CPNE4: variants seen among roughly 807,000 people sequenced by gnomAD.
CPNE4 encodes copine 4, also known as copine-4.
A neutral mutation model predicts 67.9 loss-of-function variants in CPNE4; 25 were observed. The ratio of observed to expected loss-of-function variants is 0.37; its 90% CI spans 0.27 to 0.51. The LOEUF is 0.51. Ranked by LOEUF, CPNE4 falls within the 20% of genes least tolerant of loss-of-function variation. The pLI is 0.93. For synonymous variants in CPNE4, 242 were observed against 244.9 expected (o/e 0.99, Z 0.11); for missense variants, 464 against 690.8 (o/e 0.67, Z 3.68).
chr3:131,922,123 A>G (rs969028680), intron 1 of CPNE4, among the ~76,000 whole-genome samples: 1 of 152,178 alleles, frequency 6.6e-6, no homozygotes, highest in East Asian at 1.9e-4. Context: ...ATCTTTACGT[A>G]CATGAGTACC....
intron 12 of CPNE4, 146 bp from the exon 13 acceptor site, chr3:131,552,637 A>G (rs1936245775): frequency 1.6e-6 from 1 of 610,148 alleles, no homozygotes; most frequent in Non-Finnish European, 2.9e-6. Context: ...TCAAGCCTTT[A>G]CACAATCAAT....
At chr3:132,005,272 T>C (rs1047774007) in intron 1 of CPNE4, among the ~76,000 whole-genome samples, 6 of 142,870 alleles carry the variant, frequency 4.2e-5, no homozygotes, top group Non-Finnish European at 6.1e-5. Context: ...CCTATCCTAA[T>C]AGTCACCAAA....
rs1342592405 is a variant in CPNE4 at position 131,777,380 on chromosome 3, T to G, written c.181-53755A>C. 4.8e-4 allele frequency among the ~76,000 whole-genome samples: 24 copies of G among 50,420 alleles called. No individual in the cohort carries two copies. In the East Asian group the frequency reaches 6.0e-3, roughly 13 times the overall value. 33.1% of individuals were successfully genotyped at this position (50,420 alleles called of 152,430 possible). A position where few individuals can be genotyped will look rare whatever the true frequency, so the allele number is the denominator to read the frequency against. On this transcript the variant is annotated intron_variant, in intron 2 of 15. Transcript: ENST00000429747. The stretch of plus-strand genomic sequence containing the variant: ...ATCAGAGAAAATAGCATTTCAAGGT[T>G]TTTTTTTTTTTTTTAGTTTCAAGAA...
intron 1 of CPNE4, among the ~76,000 whole-genome samples, chr3:132,013,085 T>C (rs763371248): frequency 6.6e-6 from 1 of 152,042 alleles, no homozygotes; most frequent in Admixed American, 6.5e-5. Flanking sequence ...TAGCCAGGCA[T>C]AGGGGTGGAC....
At chr3:131,942,272 T>G (rs2071410594) in intron 1 of CPNE4, among the ~76,000 whole-genome samples, 1 of 152,012 alleles carries the variant, frequency 6.6e-6, no homozygotes. Context: ...TTTAAAAAAT[T>G]TAAAAGCATA....
At chr3:131,903,444 T>TTA in intron 2 of CPNE4, among the ~76,000 whole-genome samples, 1 of 152,134 alleles carries the variant, frequency 6.6e-6, no homozygotes, top group African/African-American at 2.4e-5. Context: ...AAATCAGTCC[T>TTA]TATCCAATTT....
chr3:131,930,550 A>C (rs1288299978), intron 1 of CPNE4, among the ~76,000 whole-genome samples: 2 of 152,218 alleles, frequency 1.3e-5, no homozygotes, highest in African/African-American at 4.8e-5. Flanking sequence ...CTAATTGCAC[A>C]ACTGTCCTTG....
intron 3 of CPNE4, among the ~76,000 whole-genome samples, chr3:131,704,575 C>T (rs2107710982): frequency 6.6e-6 from 1 of 152,258 alleles, no homozygotes; most frequent in African/African-American, 2.4e-5. Flanking sequence ...TTTCCTTCAC[C>T]TCACAAATAA....
chr3:131,914,406 C>T (rs138062746), intron 1 of CPNE4, among the ~76,000 whole-genome samples: 3 of 152,142 alleles, frequency 2.0e-5, no homozygotes, highest in South Asian at 4.1e-4. Context: ...GTCCCTCCCC[C>T]TCTCTGTCTC....
chr3:131,724,156 T>C (rs751493438), intron 2 of CPNE4, among the ~76,000 whole-genome samples: 13 of 152,178 alleles, frequency 8.5e-5, no homozygotes, highest in Non-Finnish European at 1.6e-4. Flanking sequence ...TGTAGGTGTC[T>C]CATTTTAGCC....
intron 6 of CPNE4, among the ~76,000 whole-genome samples, chr3:131,675,779 G>A (rs539359101): frequency 1.3e-5 from 2 of 151,840 alleles, no homozygotes; most frequent in East Asian, 3.9e-4. Context: ...TTTTATTGGA[G>A]TGTTTAGTCC....
At chr3:131,829,324 T>C (rs1229897623) in intron 2 of CPNE4, among the ~76,000 whole-genome samples, 2 of 152,222 alleles carry the variant, frequency 1.3e-5, no homozygotes, top group African/African-American at 4.8e-5. Flanking sequence ...AGAAATGGTG[T>C]ATTTTTTGAG....
At chr3:131,619,014 C>T (rs1391320394) in intron 7 of CPNE4, among the ~76,000 whole-genome samples, 1 of 152,112 alleles carries the variant, frequency 6.6e-6, no homozygotes, top group African/African-American at 2.4e-5. Context: ...TGTGGACAAA[C>T]TTGTAAAGTT....
chr3:131,969,747 C>T (rs547096123), intron 1 of CPNE4, among the ~76,000 whole-genome samples: 1 of 152,312 alleles, frequency 6.6e-6, no homozygotes, highest in East Asian at 1.9e-4. Flanking sequence ...ACTGTCCTCT[C>T]TAGTTCCTAA....
intron 1 of CPNE4, among the ~76,000 whole-genome samples, chr3:132,029,194 C>A (rs1259454878): frequency 6.6e-6 from 1 of 152,076 alleles, no homozygotes; most frequent in Non-Finnish European, 1.5e-5. Flanking sequence ...AAACAAAGGG[C>A]GATCAGACCC....
intron 2 of CPNE4, among the ~76,000 whole-genome samples, chr3:131,829,213 T>C (rs988701195): frequency 6.6e-6 from 1 of 152,202 alleles, no homozygotes; most frequent in African/African-American, 2.4e-5. Flanking sequence ...CCATGACATG[T>C]GGGAATACTG....
chr3:131,720,532 C>A (rs918962246), intron 3 of CPNE4, among the ~76,000 whole-genome samples: 2 of 152,172 alleles, frequency 1.3e-5, no homozygotes, highest in Non-Finnish European at 2.9e-5. Flanking sequence ...GATCCGCCTG[C>A]CTCGGCTTCC....
chr3:131,549,820 G>A (rs1329852781), intron 14 of CPNE4, 127 bp downstream of exon 14: 3 of 1,076,982 alleles, frequency 2.8e-6, no homozygotes, highest in Admixed American at 4.3e-5. Context: ...AGGAGGTTAA[G>A]TCATTTGTCC....
At position 131,615,351 on chromosome 3, in the gene CPNE4, G is replaced by A. The variant is rs528876711; in HGVS notation, c.682-27769C>T. ...GAATGTATCTAAAGCACTCAGTTCT[G>A]CAATAGATTATCACAGAAAATAATA... On this transcript the variant is annotated intron_variant, in intron 7 of 15. Transcript: ENST00000429747. Among the ~76,000 whole-genome samples, 3 of 152,266 alleles carry A rather than the reference G, an allele frequency of 2.0e-5. No individual in the cohort carries two copies. In the East Asian group the frequency reaches 5.8e-4, roughly 29 times the overall value.
Sources: gnomAD v4.1 joint callset for allele counts (sites outside exome capture counted in the v4.1 genomes callset) on GRCh38, gnomAD v4.1.1 for gene constraint, MANE v1.5 for transcripts, NCBI Gene and HGNC (gene_info 2026-07-23, HGNC 2026-07-21) for gene names.